TXLNB: variants seen among roughly 807,000 people sequenced by gnomAD.
The protein encoded by TXLNB is beta-taxilin.
TXLNB carries 37 observed loss-of-function variants against 57.4 expected under a neutral mutation model. The ratio of observed to expected loss-of-function variants is 0.64; its 90% CI spans 0.50 to 0.85. The LOEUF is 0.85. Ranked by LOEUF, TXLNB falls within the 40% of genes least tolerant of loss-of-function variation. The pLI is 0.00. For synonymous variants in TXLNB, 302 were observed against 309.6 expected (o/e 0.98, Z 0.26); for missense variants, 848 against 825.6 (o/e 1.03, Z -0.33).
At chr6:139,281,070 A>G (rs373775816) in intron 2 of TXLNB, among the ~76,000 whole-genome samples, 1 of 151,610 alleles carries the variant, frequency 6.6e-6, no homozygotes, top group African/African-American at 2.4e-5. Context: ...TTATTTTTTT[A>G]TTTTTATTAT....
At chr6:139,160,493 A>C in the TXLNB span, among the ~76,000 whole-genome samples, 1 of 152,226 alleles carries the variant, frequency 6.6e-6, no homozygotes, top group Admixed American at 6.5e-5. Context: ...GGCTCACTGC[A>C]GCCTCAATTT....
the TXLNB span, among the ~76,000 whole-genome samples, chr6:139,225,756 T>G: frequency 1.3e-5 from 2 of 152,120 alleles, no homozygotes; most frequent in African/African-American, 4.8e-5. Context: ...TCAAATTGAT[T>G]TATACATTAA....
chr6:139,279,282 T>C (rs1362441890), intron 2 of TXLNB, among the ~76,000 whole-genome samples: 1 of 152,166 alleles, frequency 6.6e-6, no homozygotes, highest in Non-Finnish European at 1.5e-5. Flanking sequence ...GAGAAGAGGT[T>C]TCTTTTTGGT....
intron 4 of TXLNB, among the ~76,000 whole-genome samples, chr6:139,266,808 G>A (rs1776625382): frequency 6.6e-6 from 1 of 151,954 alleles, no homozygotes; most frequent in African/African-American, 2.4e-5. Flanking sequence ...CCTTAAAGCA[G>A]TAAAAGTTCT....
the TXLNB span, among the ~76,000 whole-genome samples, chr6:139,299,464 C>T: frequency 3.9e-5 from 6 of 152,322 alleles, 1 homozygote; most frequent in East Asian, 1.9e-4. Flanking sequence ...ATAGTCCCAA[C>T]TTTGAAGTCC....
At chr6:139,166,792 C>T in the TXLNB span, 26 of 1,613,520 alleles carry the variant, frequency 1.6e-5, no homozygotes, top group African/African-American at 6.7e-5. Context: ...CCGCAGCCTA[C>T]GGTGCCCGTT....
chr6:139,227,037 A>T, the TXLNB span, among the ~76,000 whole-genome samples: 1 of 151,882 alleles, frequency 6.6e-6, no homozygotes, highest in Non-Finnish European at 1.5e-5. Context: ...AAAACAAAAC[A>T]AAACAAAACA....
At chr6:139,162,468 C>A in the TXLNB span, among the ~76,000 whole-genome samples, 1 of 152,180 alleles carries the variant, frequency 6.6e-6, no homozygotes, top group Admixed American at 6.5e-5. Flanking sequence ...CAAGAGCATG[C>A]AGCTCATAAA....
chr6:139,280,937 T>C (rs970603563), intron 2 of TXLNB, among the ~76,000 whole-genome samples: 1 of 152,178 alleles, frequency 6.6e-6, no homozygotes, highest in Non-Finnish European at 1.5e-5. Context: ...GGAAGTAAAA[T>C]TCATGTATGC....
the TXLNB span, among the ~76,000 whole-genome samples, chr6:139,208,434 T>A: frequency 6.6e-6 from 1 of 152,114 alleles, no homozygotes; most frequent in African/African-American, 2.4e-5. Context: ...CCTTCCTAAA[T>A]CATTCTATGA....
the TXLNB span, among the ~76,000 whole-genome samples, chr6:139,206,476 A>G: frequency 2.6e-5 from 4 of 152,034 alleles, no homozygotes; most frequent in East Asian, 5.8e-4. Context: ...AGACCATCCT[A>G]GCTAACATGG....
At chr6:139,300,862 T>A in the TXLNB span, among the ~76,000 whole-genome samples, 1 of 152,112 alleles carries the variant, frequency 6.6e-6, no homozygotes, top group Non-Finnish European at 1.5e-5. Context: ...ACCACTGTGC[T>A]CCAGCATGGG....
chr6:139,250,359 T>C (rs1211616254), intron 7 of TXLNB, among the ~76,000 whole-genome samples: 2 of 84,500 alleles, frequency 2.4e-5, no homozygotes, highest in African/African-American at 1.3e-4. Context: ...CTTTCTTTCT[T>C]TTTTTTTTTT....
the TXLNB span, among the ~76,000 whole-genome samples, chr6:139,198,971 C>CCT: frequency 1.4e-5 from 2 of 144,452 alleles, no homozygotes; most frequent in Non-Finnish European, 3.0e-5. Context: ...TTCTTTCTTC[C>CCT]TTTTTTTTTT....
the TXLNB span, among the ~76,000 whole-genome samples, chr6:139,313,808 C>A: frequency 4.6e-5 from 7 of 151,838 alleles, no homozygotes; most frequent in Non-Finnish European, 2.9e-5. Context: ...AATTCTAAGC[C>A]CCCCAACCGA....
the TXLNB span, among the ~76,000 whole-genome samples, chr6:139,317,680 CA>C: frequency 6.6e-6 from 1 of 152,022 alleles, no homozygotes. Flanking sequence ...CGTGAGCCAC[CA>C]TGCCCGGCCA....
At chr6:139,270,750 C>T (rs72990511) in intron 3 of TXLNB, 124 bp from the exon 4 acceptor site, 327 of 793,762 alleles carry the variant, frequency 4.1e-4, no homozygotes, top group Admixed American at 5.9e-4. Context: ...ATTATCTCTT[C>T]CTCTGGAAGT....
At chr6:139,284,903 A>T (rs1777136582) in intron 2 of TXLNB, among the ~76,000 whole-genome samples, 1 of 146,174 alleles carries the variant, frequency 6.8e-6, no homozygotes, top group Non-Finnish European at 1.5e-5. Flanking sequence ...AGGTTAGCCT[A>T]AAAATGTTGT....
At chr6:139,271,541 A>T (rs1013071663) in intron 3 of TXLNB, 32 of 152,218 alleles carry the variant, frequency 2.1e-4, no homozygotes, top group Admixed American at 2.0e-3. Context: ...ATAAGAAATA[A>T]TTTTTAGCGT....
Sources: allele counts gnomAD v4.1 joint callset (sites outside exome capture counted in the v4.1 genomes callset), GRCh38; gene constraint gnomAD v4.1.1; transcripts MANE v1.5; gene names NCBI Gene and HGNC (gene_info 2026-07-23, HGNC 2026-07-21).